The following MGAT5 variants were observed in gnomAD, a reference collection of about 807,000 sequenced individuals.
MGAT5 encodes the protein alpha-1,6-mannosylglycoprotein 6-beta-N-acetylglucosaminyltransferase A.
A neutral mutation model predicts 94.3 loss-of-function variants in MGAT5; 30 were observed. The ratio of observed to expected loss-of-function variants is 0.32; its 90% CI spans 0.24 to 0.43. The LOEUF is 0.43. MGAT5 is among the 20% of genes least tolerant of loss of function. The pLI is 1.00. For missense variants in MGAT5, 691 were observed against 905.5 expected (o/e 0.76, Z 3.04); for synonymous variants, 310 against 322.9 (o/e 0.96, Z 0.43).
intron 14 of MGAT5, among the ~76,000 whole-genome samples, chr2:134,439,006 T>G (rs779967122): frequency 2.0e-5 from 3 of 152,048 alleles, no homozygotes; most frequent in Non-Finnish European, 4.4e-5. Context: ...CGGGCTGGAG[T>G]AGTCAAATCC....
intron 1 of MGAT5, among the ~76,000 whole-genome samples, chr2:134,205,520 A>G (rs1415925915): frequency 2.6e-5 from 4 of 152,150 alleles, no homozygotes; most frequent in Non-Finnish European, 5.9e-5. Flanking sequence ...GGAGTGGGAG[A>G]TGCTGTTTGC....
intron 4 of MGAT5, among the ~76,000 whole-genome samples, chr2:134,334,194 T>G (rs544902860): frequency 1.1e-4 from 17 of 152,272 alleles, no homozygotes; most frequent in African/African-American, 4.1e-4. Flanking sequence ...ATGATCAGTT[T>G]CAAAGAGGCA....
intron 15 of MGAT5, among the ~76,000 whole-genome samples, chr2:134,446,578 T>A (rs937346910): frequency 2.6e-5 from 4 of 152,226 alleles, no homozygotes; most frequent in Non-Finnish European, 4.4e-5. Flanking sequence ...GCTGCAAGTC[T>A]CTGACTCATT....
intron 1 of MGAT5, among the ~76,000 whole-genome samples, chr2:134,161,917 GC>G (rs1687754907): frequency 6.6e-6 from 1 of 152,076 alleles, no homozygotes; most frequent in Non-Finnish European, 1.5e-5. Flanking sequence ...TTGGCCGGGC[GC>G]AGTGGCTCAT....
chr2:134,187,273 G>T (rs745919032), intron 1 of MGAT5, among the ~76,000 whole-genome samples: 2 of 152,142 alleles, frequency 1.3e-5, no homozygotes, highest in African/African-American at 4.8e-5. Flanking sequence ...GGATCATTCC[G>T]CTTGCATGGA....
chr2:134,268,131 G>A lies in MGAT5; in HGVS notation c.242-2255G>A, dbSNP rs185362621. Among the ~76,000 whole-genome samples, 20 of 152,274 alleles carry A rather than the reference G, an allele frequency of 1.3e-4. No individual in the cohort carries two copies. The highest frequency in any genetic ancestry group is 1.2e-3 in the Admixed American group (19 of 15,300). On this transcript the variant is annotated intron_variant, in intron 1 of 15. Transcript: ENST00000281923. The surrounding 1 kb of genome is among the most constrained non-coding windows in gnomAD (Gnocchi z 4.1). ...CTTACAATGCAAGGACAGTCACCAC[G>A]ACAAAGAATTACCCGGCCCAAAGTG...
chr2:134,187,514 C>T (rs903951418), intron 1 of MGAT5, among the ~76,000 whole-genome samples: 31 of 152,220 alleles, frequency 2.0e-4, no homozygotes, highest in African/African-American at 7.5e-4. Context: ...TCCCCCAGAT[C>T]TTTACTTGCT....
chr2:134,152,943 G>A (rs188924081), intron 1 of MGAT5, among the ~76,000 whole-genome samples: 2,758 of 134,900 alleles, frequency 0.02, 28 homozygotes, highest in Non-Finnish European at 0.027. Context: ...TCACTCTGTC[G>A]CCCAGGCTGG....
intron 1 of MGAT5, among the ~76,000 whole-genome samples, chr2:134,260,702 CTTT>C (rs3838494): frequency 7.1e-5 from 9 of 127,052 alleles, no homozygotes; most frequent in Non-Finnish European, 6.9e-5. Flanking sequence ...TTTTCTTTTT[CTTT>C]TTTTTTTTTT....
chr2:134,258,769 A>G (rs1683137913), intron 1 of MGAT5, among the ~76,000 whole-genome samples: 3 of 152,156 alleles, frequency 2.0e-5, no homozygotes, highest in African/African-American at 4.8e-5. Context: ...AGTGGTTAGG[A>G]GCATGGGTTT....
chr2:134,437,682 T>G (rs898375896), intron 14 of MGAT5, among the ~76,000 whole-genome samples: 1 of 152,178 alleles, frequency 6.6e-6, no homozygotes, highest in African/African-American at 2.4e-5. Context: ...TATTATAAAA[T>G]TTAAAGGCTG....
chr2:134,306,641 T>A (rs533232264), intron 2 of MGAT5, among the ~76,000 whole-genome samples: 1 of 152,226 alleles, frequency 6.6e-6, no homozygotes, highest in South Asian at 2.1e-4. Context: ...CGGAAGTTTG[T>A]CCTGAGGGTG....
chr2:134,431,622 A>G (rs1684880865), intron 14 of MGAT5, among the ~76,000 whole-genome samples: 1 of 152,192 alleles, frequency 6.6e-6, no homozygotes, highest in Non-Finnish European at 1.5e-5. Context: ...TGCAGCTCCG[A>G]GGAGGCCCTT....
At chr2:134,270,905 A>G (rs567930518) in intron 2 of MGAT5, among the ~76,000 whole-genome samples, 16 of 152,202 alleles carry the variant, frequency 1.1e-4, no homozygotes, top group Non-Finnish European at 2.2e-4. Context: ...CTCCCATCAG[A>G]CAATTTTGAA....
intron 1 of MGAT5, among the ~76,000 whole-genome samples, chr2:134,220,575 T>C (rs1224383715): frequency 1.3e-5 from 2 of 152,204 alleles, no homozygotes; most frequent in African/African-American, 4.8e-5. Flanking sequence ...CCATCTACAT[T>C]TGGTCTCCTC....
At chr2:134,416,263 C>A (rs550862529) in intron 12 of MGAT5, among the ~76,000 whole-genome samples, 31 of 152,302 alleles carry the variant, frequency 2.0e-4, no homozygotes, top group South Asian at 4.1e-4. Flanking sequence ...AACAGAAATT[C>A]TGCACACGTT....
At chr2:134,269,969 G>A (rs1683930754) in intron 1 of MGAT5, among the ~76,000 whole-genome samples, 1 of 152,232 alleles carries the variant, frequency 6.6e-6, no homozygotes, top group African/African-American at 2.4e-5. Flanking sequence ...GGACATGCTA[G>A]AGTATGCAAC....
chr2:134,372,639 T>C (rs1680883306), intron 10 of MGAT5, among the ~76,000 whole-genome samples: 1 of 152,144 alleles, frequency 6.6e-6, no homozygotes, highest in Non-Finnish European at 1.5e-5. Flanking sequence ...ATGGTACAAA[T>C]GTTTGAATGA....
intron 15 of MGAT5, among the ~76,000 whole-genome samples, chr2:134,447,069 G>A (rs534906286): frequency 6.6e-4 from 100 of 152,338 alleles, no homozygotes; most frequent in South Asian, 1.2e-3. Context: ...ATACACATAT[G>A]CATACGCATG....
Sources: allele counts gnomAD v4.1 joint callset (sites outside exome capture counted in the v4.1 genomes callset), GRCh38; gene constraint gnomAD v4.1.1; non-coding constraint Gnocchi (gnomAD v3.1); transcripts MANE v1.5; gene names NCBI Gene and HGNC (gene_info 2026-07-23, HGNC 2026-07-21).